Variants in DNAJC8 observed in about 807,000 individuals in gnomAD.
The protein encoded by DNAJC8 is dnaJ homolog subfamily C member 8.
A neutral mutation model predicts 43.2 loss-of-function variants in DNAJC8; 24 were observed. The observed-to-expected ratio is 0.56, with a 90% CI of 0.40 to 0.78. DNAJC8 has a LOEUF of 0.78. DNAJC8 is among the 30% of genes least tolerant of loss of function. DNAJC8 has a pLI of 0.00. For missense variants in DNAJC8, 207 were observed against 299.4 expected, an observed-to-expected ratio of 0.69 and a Z score of 2.28; for synonymous variants, 83 against 98.0, an observed-to-expected ratio of 0.85 and a Z score of 0.90.
At chr1:28,227,175 G>A (rs1246426413) in intron 2 of DNAJC8, among the ~76,000 whole-genome samples, 3 of 135,920 alleles carry the variant, frequency 2.2e-5, no homozygotes, top group Non-Finnish European at 4.6e-5. Context: ...TTGGGAGGCC[G>A]CGACAGGTGG....
At chr1:28,210,111 G>C (rs1473138104) in intron 4 of DNAJC8, 45 bp from the exon 5 acceptor site, 29 of 1,552,858 alleles carry the variant, frequency 1.9e-5, no homozygotes, top group Non-Finnish European at 2.6e-5. Context: ...AACACCCTCT[G>C]AAAGTCTGAA....
intron 2 of DNAJC8, among the ~76,000 whole-genome samples, chr1:28,227,781 T>C (rs990040738): frequency 6.6e-6 from 1 of 151,738 alleles, no homozygotes; most frequent in Non-Finnish European, 1.5e-5. Context: ...AGAAGAAGGA[T>C]TAAGTGTATG....
chr1:28,218,283 C>CG (rs947536582), intron 2 of DNAJC8, among the ~76,000 whole-genome samples: 2 of 151,660 alleles, frequency 1.3e-5, no homozygotes, highest in Non-Finnish European at 2.9e-5. Flanking sequence ...TTAGTAGAGA[C>CG]GGGGTTTCTC....
At chr1:28,217,971 G>A (rs1399401517) in intron 2 of DNAJC8, among the ~76,000 whole-genome samples, 2 of 151,812 alleles carry the variant, frequency 1.3e-5, no homozygotes, top group African/African-American at 4.9e-5. Context: ...GGGACAGTTG[G>A]GCCCATTTGC....
At chr1:28,232,661 C>A (rs1646987582) in intron 1 of DNAJC8, among the ~76,000 whole-genome samples, 1 of 152,188 alleles carries the variant, frequency 6.6e-6, no homozygotes, top group Non-Finnish European at 1.5e-5. Flanking sequence ...GGGCACTCTG[C>A]CCGCGCGCCC....
Position 28,222,596 on chromosome 1 carries a change from C to A in DNAJC8, c.180+6326G>T, listed in dbSNP as rs567137316. Among the ~76,000 whole-genome samples the A allele has an allele frequency of 2.6e-3, 393 of 151,850 alleles. 2 individuals are homozygous for A. Among genetic ancestry groups the A allele is most frequent in the South Asian group, 7.1e-3 (34 of 4,776 alleles). ...AAAGTAATCTTCAAGCTTTTTATCT[C>A]CCCCTTCCCTTCCTAAGCAATAAAT... On this transcript the variant is annotated intron_variant, in intron 2 of 8. Transcript: ENST00000263697.
intron 8 of DNAJC8, 40 bp from the exon 9 acceptor site, chr1:28,201,410 T>C: frequency 6.2e-7 from 1 of 1,612,460 alleles, no homozygotes; most frequent in Non-Finnish European, 8.5e-7. Context: ...GACCAGTCAA[T>C]GAGTGGAAAG....
intron 6 of DNAJC8, among the ~76,000 whole-genome samples, chr1:28,206,520 A>G (rs1646769616): frequency 6.6e-6 from 1 of 152,202 alleles, no homozygotes; most frequent in South Asian, 2.1e-4. Context: ...GGGGTGACAA[A>G]GGGAGACCCT....
chr1:28,203,925 A>G, intron 7 of DNAJC8, 103 bp from the exon 8 acceptor site: 2 of 1,132,678 alleles, frequency 1.8e-6, no homozygotes, highest in Admixed American at 1.8e-5. Flanking sequence ...TAGTAAATCA[A>G]TTCCCTAGAA....
chr1:28,232,986 C>G lies in DNAJC8; in HGVS notation c.13G>C (p.Gly5Arg). Residue 5 changes from glycine to arginine, a missense_variant, in exon 1 of 9, where the codon GGA (glycine) becomes CGA (arginine). Coordinates refer to ENST00000263697, the MANE Select transcript of DNAJC8 (RefSeq NM_014280.3). MAAS[G>R]ESGTSGGGGS... Reference sequence around the variant, plus strand: ...CCGCCGCCTGAAGTCCCGCTCTCTCCTGAAGCCGCCATTTCCCCGGCCCAG... The same window carrying G: ...CCGCCGCCTGAAGTCCCGCTCTCTCGTGAAGCCGCCATTTCCCCGGCCCAG... The G allele has an allele frequency of 3.1e-6, 5 of 1,612,528 alleles. No homozygotes were observed. Among genetic ancestry groups the G allele is most frequent in the Non-Finnish European group, 4.2e-6 (5 of 1,180,008 alleles).
intron 1 of DNAJC8, among the ~76,000 whole-genome samples, chr1:28,230,687 T>A (rs1646967981): frequency 1.3e-5 from 2 of 152,222 alleles, no homozygotes; most frequent in Admixed American, 1.3e-4. Flanking sequence ...CAGGGTGTAC[T>A]GCAGTGACAG....
intron 2 of DNAJC8, among the ~76,000 whole-genome samples, chr1:28,226,756 T>G (rs1646937837): frequency 6.6e-6 from 1 of 151,300 alleles, no homozygotes; most frequent in Non-Finnish European, 1.5e-5. Context: ...TATGCACAAA[T>G]CTACATTTTT....
intron 3 of DNAJC8, among the ~76,000 whole-genome samples, chr1:28,212,168 A>AATAT (rs201782610): frequency 0.013 from 395 of 30,668 alleles, 8 homozygotes; most frequent in East Asian, 0.023. Flanking sequence ...TAAATAAATA[A>AATAT]ATATATATAT....
intron 8 of DNAJC8, among the ~76,000 whole-genome samples, chr1:28,202,587 T>C (rs1646743882): frequency 9.8e-6 from 1 of 102,178 alleles, no homozygotes; most frequent in African/African-American, 4.1e-5. Context: ...CCTTTTTTTT[T>C]CTTTTTTTTT....
At chr1:28,207,568 C>A (rs960539870) in intron 6 of DNAJC8, among the ~76,000 whole-genome samples, 1 of 150,356 alleles carries the variant, frequency 6.7e-6, no homozygotes, top group African/African-American at 2.4e-5. Context: ...CTCAGCCTCT[C>A]GGGTAGTTGG....
intron 8 of DNAJC8, 135 bp from the exon 9 acceptor site, chr1:28,201,505 C>T (rs1000858043): frequency 1.5e-6 from 2 of 1,378,982 alleles, no homozygotes; most frequent in African/African-American, 2.9e-5. Context: ...TAGAATAGAG[C>T]TGGCCAGGCA....
At chr1:28,228,454 GAT>G (rs1646952944) in intron 2 of DNAJC8, among the ~76,000 whole-genome samples, 1 of 150,722 alleles carries the variant, frequency 6.6e-6, no homozygotes, top group Non-Finnish European at 1.5e-5. Context: ...GATGATGAAA[GAT>G]ATGTGACCAT....
At chr1:28,209,880 G>T in intron 5 of DNAJC8, 92 bp downstream of exon 5, 1 of 1,108,118 alleles carries the variant, frequency 9.0e-7, no homozygotes, top group Non-Finnish European at 1.3e-6. Flanking sequence ...GGTTGTGCCA[G>T]TAGGCATTAC....
chr1:28,209,562 G>A (rs1013744182), intron 5 of DNAJC8, among the ~76,000 whole-genome samples: 14 of 152,104 alleles, frequency 9.2e-5, no homozygotes, highest in African/African-American at 3.1e-4. Flanking sequence ...AAAAGTTTAC[G>A]CCTATCCTCT....
Sources: gnomAD v4.1 joint callset for allele counts (sites outside exome capture counted in the v4.1 genomes callset) on GRCh38, gnomAD v4.1.1 for gene constraint, MANE v1.5 for transcripts, NCBI Gene and HGNC (gene_info 2026-07-23, HGNC 2026-07-21) for gene names.